The following COA8 variants were observed in gnomAD, a reference collection of about 807,000 sequenced individuals.
COA8 encodes cytochrome c oxidase assembly factor 8.
COA8 carries 20 observed loss-of-function variants against 22.0 expected under a neutral mutation model. That is an observed-to-expected ratio of 0.91 (90% CI 0.64 to 1.32). COA8 has a LOEUF of 1.32. COA8 is among the 40% of genes most tolerant of loss of function. The pLI, the probability that COA8 is intolerant of heterozygous loss-of-function variation, is 0.00. For synonymous variants in COA8, 105 were observed against 79.9 expected (o/e 1.31, Z -1.68); for missense variants, 266 against 230.0 (o/e 1.16, Z -1.01).
chr14:103,587,553 G>T (rs963577081), intron 4 of COA8, among the ~76,000 whole-genome samples, 189 bp downstream of exon 4: 8 of 148,160 alleles, frequency 5.4e-5, no homozygotes, highest in Non-Finnish European at 1.0e-4. Flanking sequence ...TCTCGCCCAG[G>T]CTGGAGTGCA....
intron 2 of COA8, among the ~76,000 whole-genome samples, chr14:103,572,899 C>T (rs1391362475): frequency 6.6e-6 from 1 of 151,936 alleles, no homozygotes; most frequent in East Asian, 2.0e-4. Context: ...TCTCTTGCCT[C>T]ACCCTCCCGA....
In COA8 at chr14:103,586,733, C is replaced by T. The variant is rs954510651; in HGVS notation, c.386-541C>T. Among the ~76,000 whole-genome samples the T allele has an allele frequency of 2.5e-4, 38 of 151,734 alleles. 1 individual carries two copies. The highest frequency in any genetic ancestry group is 3.4e-3 in the Middle Eastern group (1 of 294). ...CATTGTAACCTCTGCCACCCCCCAC[C>T]GGCCCCAGTATTTTTAGTAGAGACG... On this transcript the variant is annotated intron_variant, in intron 3 of 4. Coordinates refer to ENST00000409074, the MANE Select transcript of COA8 (RefSeq NM_001370595.2).
intron 2 of COA8, among the ~76,000 whole-genome samples, chr14:103,572,591 G>T (rs1313952562): frequency 6.6e-6 from 1 of 152,010 alleles, no homozygotes; most frequent in Non-Finnish European, 1.5e-5. Flanking sequence ...TGAGCCAGGT[G>T]TGGTGGCATA....
chr14:103,589,861 C>G (rs571525278), intron 4 of COA8, among the ~76,000 whole-genome samples: 1 of 152,100 alleles, frequency 6.6e-6, no homozygotes, highest in African/African-American at 2.4e-5. Context: ...TTGCAGTCAG[C>G]CGAGATCGCG....
At chr14:103,584,014 C>T (rs2076287665) in intron 3 of COA8, among the ~76,000 whole-genome samples, 1 of 152,244 alleles carries the variant, frequency 6.6e-6, no homozygotes, top group Non-Finnish European at 1.5e-5. Context: ...CCTCTCTGGG[C>T]ATGCCATCCT....
At chr14:103,578,350 A>C (rs1364633025) in intron 3 of COA8, among the ~76,000 whole-genome samples, 1 of 152,238 alleles carries the variant, frequency 6.6e-6, no homozygotes, top group African/African-American at 2.4e-5. Context: ...CCTTCACCGG[A>C]ATATTCTGCA....
At chr14:103,569,861 G>T (rs529153510) in intron 1 of COA8, among the ~76,000 whole-genome samples, 314 of 151,846 alleles carry the variant, frequency 2.1e-3, no homozygotes, top group Non-Finnish European at 3.1e-3. Context: ...TTTTTTGTTT[G>T]TTTGTTTTTT....
intron 1 of COA8, 67 bp downstream of exon 1, chr14:103,563,191 G>C: frequency 2.0e-6 from 3 of 1,494,982 alleles, no homozygotes; most frequent in East Asian, 2.5e-5. Context: ...CCCGGGCCTC[G>C]GGGCCACTCC....
At chr14:103,589,857 T>C (rs1237446026) in intron 4 of COA8, among the ~76,000 whole-genome samples, 3 of 150,882 alleles carry the variant, frequency 2.0e-5, no homozygotes, top group East Asian at 1.9e-4. Context: ...GAGCTTGCAG[T>C]CAGCCGAGAT....
rs1355046867 is a variant in COA8, at chr14:103,590,179, A to G, written c.477-2A>G. ...ACCTGTGCATCCTCTGTTTCTCTACAGAGATTGGTACAAGCGCAATTTTGC... is the reference window on the plus strand; with the variant it reads ...ACCTGTGCATCCTCTGTTTCTCTACGGAGATTGGTACAAGCGCAATTTTGC... On this transcript the variant is annotated splice_acceptor_variant, in intron 4 of 4. Coordinates refer to ENST00000409074, the MANE Select transcript of COA8 (RefSeq NM_001370595.2). LOFTEE classifies it high-confidence loss of function. The G allele has an allele frequency of 6.2e-7, 1 of 1,613,562 alleles. No individual in the cohort carries two copies. The highest frequency in any genetic ancestry group is 8.5e-7 in the Non-Finnish European group (1 of 1,179,550).
At chr14:103,573,123 G>A (rs1256309412) in intron 2 of COA8, among the ~76,000 whole-genome samples, 1 of 151,888 alleles carries the variant, frequency 6.6e-6, no homozygotes, top group African/African-American at 2.4e-5. Flanking sequence ...AATAAACTGT[G>A]TAAGAAAGAA....
intron 3 of COA8, among the ~76,000 whole-genome samples, chr14:103,576,116 A>C (rs1017823733): frequency 6.6e-6 from 1 of 152,118 alleles, no homozygotes; most frequent in Non-Finnish European, 1.5e-5. Context: ...GACCAGCCTG[A>C]TCAACATGGT....
intron 3 of COA8, among the ~76,000 whole-genome samples, chr14:103,582,709 G>A (rs908569343): frequency 6.8e-6 from 1 of 147,270 alleles, no homozygotes; most frequent in Non-Finnish European, 1.5e-5. Flanking sequence ...CTTTAGATAC[G>A]ATTCACATAC....
intron 4 of COA8, among the ~76,000 whole-genome samples, chr14:103,587,789 G>A (rs1455225570): frequency 6.6e-6 from 1 of 151,864 alleles, no homozygotes; most frequent in African/African-American, 2.4e-5. Flanking sequence ...TTACAGGCAT[G>A]AGCCACTGCG....
intron 3 of COA8, among the ~76,000 whole-genome samples, chr14:103,586,616 C>T (rs117572983): frequency 0.021 from 3,082 of 146,532 alleles, 77 homozygotes; most frequent in African/African-American, 0.054. Flanking sequence ...GCTGGAATTA[C>T]AGGCATGAGC....
In COA8 at chr14:103,563,037, C is replaced by A; in HGVS notation, c.36C>A (p.Leu12=). The A allele has an allele frequency of 6.5e-7, 1 of 1,547,812 alleles. No individual in the cohort carries two copies. Among genetic ancestry groups the A allele is most frequent in the Non-Finnish European group, 8.7e-7 (1 of 1,152,464 alleles). The part of the protein sequence containing the change: ...VVLRAGKKTF[L]PPLCRAFACR... The stretch of plus-strand genomic sequence containing the variant: ...TGCGGGCGGGGAAGAAGACCTTTCT[C>A]CCCCCTCTCTGCCGCGCCTTCGCCT... Residue 12 remains leucine, a synonymous_variant, in exon 1 of 5, where the codon CTC becomes CTA. Transcript: ENST00000409074.
At chr14:103,569,069 G>A (rs187084694) in intron 1 of COA8, among the ~76,000 whole-genome samples, 4 of 152,308 alleles carry the variant, frequency 2.6e-5, no homozygotes, top group Non-Finnish European at 5.9e-5. Flanking sequence ...AGGAGACTGT[G>A]AGGGTCTAGC....
At chr14:103,568,470 CACACACATATAT>C (rs895177534) in intron 1 of COA8, among the ~76,000 whole-genome samples, 5 of 151,774 alleles carry the variant, frequency 3.3e-5, no homozygotes, top group South Asian at 2.1e-4. Flanking sequence ...CATACATACA[CACACACATATAT>C]ACACACATAT....
chr14:103,585,466 C>T (rs1436410952), intron 3 of COA8, among the ~76,000 whole-genome samples: 7 of 124,930 alleles, frequency 5.6e-5, no homozygotes, highest in Non-Finnish European at 8.5e-5. Flanking sequence ...GCAACAAAAG[C>T]GAAACTCCGT....
Sources: allele counts gnomAD v4.1 joint callset (sites outside exome capture counted in the v4.1 genomes callset), GRCh38; gene constraint gnomAD v4.1.1; transcripts MANE v1.5; gene names NCBI Gene and HGNC (gene_info 2026-07-23, HGNC 2026-07-21).